MPP7: variants seen among roughly 807,000 people sequenced by gnomAD.
The protein encoded by MPP7 is MAGUK p55 subfamily member 7.
MPP7 carries 60 observed loss-of-function variants against 76.5 expected under a neutral mutation model. That is an observed-to-expected ratio of 0.78 (90% CI 0.64 to 0.97). MPP7 has a LOEUF of 0.97. Among genes scored for constraint, MPP7 ranks in the 50% least tolerant of loss-of-function variants. The pLI, the probability that MPP7 is intolerant of heterozygous loss-of-function variation, is 0.00. For synonymous variants in MPP7, 237 were observed against 244.5 expected, an observed-to-expected ratio of 0.97 and a Z score of 0.29; for missense variants, 641 against 694.0, an observed-to-expected ratio of 0.92 and a Z score of 0.86.
intron 1 of MPP7, among the ~76,000 whole-genome samples, chr10:28,252,924 G>C (rs760752430): frequency 6.6e-6 from 1 of 151,698 alleles, no homozygotes; most frequent in East Asian, 1.9e-4. Context: ...TTTTGGGAGG[G>C]GGGGGCGGAG....
chr10:28,162,126 C>T (rs1836282881), intron 3 of MPP7, among the ~76,000 whole-genome samples: 1 of 152,156 alleles, frequency 6.6e-6, no homozygotes, highest in African/African-American at 2.4e-5. Flanking sequence ...CTTTGGACTT[C>T]AGGGATACAA....
chr10:28,284,382 C>A (rs1285487211), intron 1 of MPP7, among the ~76,000 whole-genome samples: 1 of 152,140 alleles, frequency 6.6e-6, no homozygotes, highest in Non-Finnish European at 1.5e-5. Flanking sequence ...AGGGAGGGAG[C>A]AGCAGCTTAA....
At chr10:28,093,814 A>G (rs1853433625) in intron 11 of MPP7, among the ~76,000 whole-genome samples, 2 of 152,194 alleles carry the variant, frequency 1.3e-5, no homozygotes, top group Admixed American at 6.5e-5. Context: ...AGATCTCTTA[A>G]GGTGATGTTG....
At chr10:28,137,600 G>A (rs141566276) in intron 5 of MPP7, among the ~76,000 whole-genome samples, 149 of 152,238 alleles carry the variant, frequency 9.8e-4, no homozygotes, top group African/African-American at 3.5e-3. Context: ...CATTAAGTTT[G>A]TAATTTTTAA....
chr10:28,079,042 C>T (rs901979962), intron 12 of MPP7, among the ~76,000 whole-genome samples: 5 of 152,164 alleles, frequency 3.3e-5, no homozygotes, highest in South Asian at 2.1e-4. Flanking sequence ...ACATACATGA[C>T]ACCTTTTCCC....
upstream of MPP7, among the ~76,000 whole-genome samples, chr10:28,307,119 C>G (rs12098711): frequency 0.11 from 17,307 of 152,156 alleles, 1,910 homozygotes; most frequent in African/African-American, 0.28. Flanking sequence ...TTACCAGACA[C>G]GCATTCATTG....
At chr10:28,220,597 C>G (rs1265917964) in intron 2 of MPP7, among the ~76,000 whole-genome samples, 1 of 152,176 alleles carries the variant, frequency 6.6e-6, no homozygotes, top group Non-Finnish European at 1.5e-5. Context: ...CATCACATTA[C>G]TGTAGCCAGC....
intron 13 of MPP7, among the ~76,000 whole-genome samples, chr10:28,060,142 CT>C (rs1218915998): frequency 2.0e-5 from 3 of 150,596 alleles, no homozygotes; most frequent in Admixed American, 6.6e-5. Context: ...GTTAGATAAA[CT>C]CTGAAACTGT....
rs185642843 is a variant in MPP7, at chr10:28,233,279, G to A, written c.37+5289C>T. Among the ~76,000 whole-genome samples, 79 of 152,320 alleles carry A rather than the reference G, an allele frequency of 5.2e-4. No homozygotes were observed. In the Middle Eastern group the frequency reaches 0.01, roughly 20 times the overall value. Reference sequence around the variant, plus strand: ...AAGGATTAGAGTTGAAAACATCAATGAGAACTCATATTTAGTTTAGTATAG... The same window carrying A: ...AAGGATTAGAGTTGAAAACATCAATAAGAACTCATATTTAGTTTAGTATAG... On this transcript the variant is annotated intron_variant, in intron 2 of 16. Transcript: ENST00000683449.
intron 11 of MPP7, among the ~76,000 whole-genome samples, chr10:28,100,574 C>T (rs1252134558): frequency 1.3e-5 from 2 of 152,054 alleles, no homozygotes; most frequent in South Asian, 2.1e-4. Context: ...TATACACATG[C>T]TAATTTTGTA....
intron 1 of MPP7, among the ~76,000 whole-genome samples, chr10:28,240,149 C>A (rs1057046986): frequency 1.3e-5 from 2 of 152,054 alleles, no homozygotes; most frequent in African/African-American, 4.8e-5. Context: ...GTTTTAAGTT[C>A]ATTTTTAATG....
intron 16 of MPP7, among the ~76,000 whole-genome samples, 186 bp downstream of exon 16, chr10:28,056,294 A>G (rs1253153966): frequency 6.6e-6 from 1 of 152,120 alleles, no homozygotes; most frequent in Non-Finnish European, 1.5e-5. Flanking sequence ...AGTAGCTGGG[A>G]CTACAGGTGT....
At chr10:28,261,967 T>C (rs956574263) in intron 1 of MPP7, among the ~76,000 whole-genome samples, 1 of 150,628 alleles carries the variant, frequency 6.6e-6, no homozygotes, top group Non-Finnish European at 1.5e-5. Context: ...CTGGCCAACA[T>C]GGTGAAACCC....
chr10:28,247,848 C>T (rs1017296543), intron 1 of MPP7, among the ~76,000 whole-genome samples: 1 of 152,166 alleles, frequency 6.6e-6, no homozygotes, highest in Admixed American at 6.5e-5. Context: ...ACTTTAAGAG[C>T]ACTGCATTGT....
At chr10:28,236,208 C>T (rs1389641668) in intron 2 of MPP7, among the ~76,000 whole-genome samples, 2 of 152,162 alleles carry the variant, frequency 1.3e-5, no homozygotes, top group Non-Finnish European at 2.9e-5. Context: ...TACATCTTCC[C>T]TTCCAAAATA....
intron 11 of MPP7, among the ~76,000 whole-genome samples, chr10:28,100,574 CTAATTT>C (rs1853776719): frequency 6.6e-6 from 1 of 152,054 alleles, no homozygotes; most frequent in Admixed American, 6.6e-5. Context: ...TATACACATG[CTAATTT>C]TGTAGATAAA....
At chr10:28,086,794 T>C (rs1053393688) in intron 12 of MPP7, among the ~76,000 whole-genome samples, 1 of 152,216 alleles carries the variant, frequency 6.6e-6, no homozygotes, top group East Asian at 1.9e-4. Context: ...AGATCCACTA[T>C]ATCGGGGAAA....
intron 7 of MPP7, among the ~76,000 whole-genome samples, chr10:28,124,725 C>T (rs11006887): frequency 0.1 from 15,565 of 151,676 alleles, 1,207 homozygotes; most frequent in African/African-American, 0.21. Flanking sequence ...CCTCGTGATC[C>T]ACCCGCCTTG....
chr10:28,186,780 A>T (rs140455156), intron 3 of MPP7, among the ~76,000 whole-genome samples: 1 of 152,218 alleles, frequency 6.6e-6, no homozygotes, highest in South Asian at 2.1e-4. Flanking sequence ...GAGCCAGTCA[A>T]TTCACTTAGT....
Sources: gnomAD v4.1 joint callset for allele counts (sites outside exome capture counted in the v4.1 genomes callset) on GRCh38, gnomAD v4.1.1 for gene constraint, MANE v1.5 for transcripts, NCBI Gene and HGNC (gene_info 2026-07-23, HGNC 2026-07-21) for gene names.